LUZP2: variants seen among roughly 807,000 people sequenced by gnomAD.
The protein encoded by LUZP2 is leucine zipper protein 2.
In LUZP2, 52 loss-of-function variants were observed where a neutral mutation model predicts 51.6. The observed-to-expected ratio is 1.01, with a 90% CI of 0.81 to 1.27. LUZP2 has a LOEUF of 1.27. Among genes scored for constraint, LUZP2 ranks in the 50% most tolerant of loss-of-function variants. The probability of loss-of-function intolerance (pLI) is 0.00; values close to 1 mark genes in which losing one functional copy is unlikely to be tolerated. For synonymous variants in LUZP2, 154 were observed against 137.3 expected, an observed-to-expected ratio of 1.12 and a Z score of -0.85; for missense variants, 436 against 395.4, an observed-to-expected ratio of 1.10 and a Z score of -0.87.
At chr11:24,669,491 C>T (rs1419897071) in intron 1 of LUZP2, among the ~76,000 whole-genome samples, 1 of 151,954 alleles carries the variant, frequency 6.6e-6, no homozygotes, top group African/African-American at 2.4e-5. Flanking sequence ...ACAATTAATG[C>T]TACAATTGTT....
At chr11:24,960,578 G>A (rs1396930784) in intron 7 of LUZP2, among the ~76,000 whole-genome samples, 2 of 151,932 alleles carry the variant, frequency 1.3e-5, no homozygotes, top group Non-Finnish European at 2.9e-5. Context: ...TATTTCTGTG[G>A]GATCGGTGGT....
chr11:24,974,340 A>T (rs1203129077), intron 7 of LUZP2, among the ~76,000 whole-genome samples: 2 of 151,938 alleles, frequency 1.3e-5, no homozygotes, highest in South Asian at 4.1e-4. Context: ...TGCACATGAG[A>T]TGGGTCTCTT....
chr11:24,974,901 C>T (rs1565179993), intron 7 of LUZP2, among the ~76,000 whole-genome samples: 1 of 151,938 alleles, frequency 6.6e-6, no homozygotes, highest in Non-Finnish European at 1.5e-5. Flanking sequence ...TATGGTAAAA[C>T]ATATGATTTT....
chr11:24,927,615 A>T (rs1166177958), intron 7 of LUZP2, among the ~76,000 whole-genome samples: 1 of 152,134 alleles, frequency 6.6e-6, no homozygotes, highest in Non-Finnish European at 1.5e-5. Context: ...TTTTTATACC[A>T]GTACCATGTT....
chr11:24,902,288 AT>A (rs1037592847), intron 5 of LUZP2, among the ~76,000 whole-genome samples: 1 of 151,902 alleles, frequency 6.6e-6, no homozygotes, highest in Non-Finnish European at 1.5e-5. Context: ...CCCAATAGTT[AT>A]TTTTTCTGAT....
At chr11:25,065,859 C>T (rs575355125) in intron 10 of LUZP2, among the ~76,000 whole-genome samples, 1 of 152,104 alleles carries the variant, frequency 6.6e-6, no homozygotes, top group South Asian at 2.1e-4. Flanking sequence ...CACTCATACA[C>T]CTTCACTATG....
At chr11:24,806,325 T>C (rs1368347393) in intron 5 of LUZP2, among the ~76,000 whole-genome samples, 1 of 152,182 alleles carries the variant, frequency 6.6e-6, no homozygotes, top group African/African-American at 2.4e-5. Flanking sequence ...TTGGGCATTG[T>C]AGTAATATTT....
intron 1 of LUZP2, among the ~76,000 whole-genome samples, chr11:24,616,424 TG>T (rs1385421202): frequency 2.0e-5 from 3 of 151,832 alleles, no homozygotes; most frequent in East Asian, 1.9e-4. Context: ...CAATTTTTAA[TG>T]TTTTTTTGTT....
intron 6 of LUZP2, among the ~76,000 whole-genome samples, chr11:24,906,705 C>T (rs1333299219): frequency 6.6e-6 from 1 of 152,048 alleles, no homozygotes; most frequent in African/African-American, 2.4e-5. Flanking sequence ...TTGTTTATGA[C>T]TCAAGGAGAG....
intron 7 of LUZP2, among the ~76,000 whole-genome samples, chr11:24,920,153 C>G (rs1397980917): frequency 2.0e-5 from 3 of 151,854 alleles, no homozygotes; most frequent in African/African-American, 4.8e-5. Context: ...ACAAAAAATT[C>G]AATCTATCAA....
chr11:24,732,316 G>A, intron 3 of LUZP2, 128 bp downstream of exon 3: 3 of 662,706 alleles, frequency 4.5e-6, no homozygotes, highest in South Asian at 4.2e-5. Flanking sequence ...AAATATGCAT[G>A]CAATTCACTT....
rs185862980 is a variant in LUZP2, at chr11:24,676,434, T to A, written c.63-52735T>A. On this transcript the variant is annotated intron_variant, in intron 1 of 11. Coordinates refer to ENST00000336930, the MANE Select transcript of LUZP2 (RefSeq NM_001009909.4). ...AGCATTAGTTAGAATATAATCCAAATGCCTCCAATAAAAGCTGTTTAACAC... is the reference window on the plus strand; with the variant it reads ...AGCATTAGTTAGAATATAATCCAAAAGCCTCCAATAAAAGCTGTTTAACAC... Among the ~76,000 whole-genome samples the A allele has an allele frequency of 4.6e-5, 7 of 152,234 alleles. No homozygotes were observed. In the East Asian group the frequency reaches 1.4e-3, roughly 29 times the overall value.
At chr11:24,719,859 T>A (rs1858195665) in intron 1 of LUZP2, among the ~76,000 whole-genome samples, 1 of 152,188 alleles carries the variant, frequency 6.6e-6, no homozygotes, top group Non-Finnish European at 1.5e-5. Flanking sequence ...TCTAGGCTAC[T>A]TTGCTGATAA....
At chr11:24,906,186 A>G (rs966064298) in intron 6 of LUZP2, 133 bp downstream of exon 6, 1 of 495,654 alleles carries the variant, frequency 2.0e-6, no homozygotes, top group Admixed American at 3.7e-5. Context: ...AGAAAAATAT[A>G]ATATATTTTA....
chr11:24,725,723 G>A (rs1481025190), intron 1 of LUZP2, among the ~76,000 whole-genome samples: 2 of 152,144 alleles, frequency 1.3e-5, no homozygotes, highest in African/African-American at 4.8e-5. Context: ...GTTGGAATAT[G>A]TGCCTCCAAA....
At chr11:24,840,095 C>T (rs2134197737) in intron 5 of LUZP2, among the ~76,000 whole-genome samples, 1 of 151,784 alleles carries the variant, frequency 6.6e-6, no homozygotes, top group East Asian at 1.9e-4. Flanking sequence ...GGGGACAATT[C>T]TCTGTATTTA....
chr11:24,953,209 T>C (rs1855124517), intron 7 of LUZP2, among the ~76,000 whole-genome samples: 1 of 151,918 alleles, frequency 6.6e-6, no homozygotes, highest in South Asian at 2.1e-4. Context: ...TTTGAAATGA[T>C]TTTTGGAATA....
intron 1 of LUZP2, among the ~76,000 whole-genome samples, chr11:24,528,523 A>G (rs1850891224): frequency 6.6e-6 from 1 of 151,308 alleles, no homozygotes; most frequent in Non-Finnish European, 1.5e-5. Context: ...TATTATTATT[A>G]TACTTTAAGT....
intron 7 of LUZP2, among the ~76,000 whole-genome samples, chr11:24,916,528 C>A (rs1166511380): frequency 2.0e-5 from 3 of 151,996 alleles, no homozygotes; most frequent in Non-Finnish European, 2.9e-5. Flanking sequence ...TGTTCCCCTT[C>A]CTGTGTCCAC....
Sources: gnomAD v4.1 joint callset for allele counts (sites outside exome capture counted in the v4.1 genomes callset) on GRCh38, gnomAD v4.1.1 for gene constraint, MANE v1.5 for transcripts, NCBI Gene and HGNC (gene_info 2026-07-23, HGNC 2026-07-21) for gene names.